CYSTM1: variants seen among roughly 807,000 people sequenced by gnomAD.
CYSTM1 encodes cysteine rich transmembrane module containing 1.
CYSTM1 carries 4 observed loss-of-function variants against 13.1 expected under a neutral mutation model. The observed-to-expected ratio is 0.31, with a 90% CI of 0.15 to 0.70. The LOEUF (loss-of-function observed/expected upper bound fraction) is 0.70, where lower values mean the gene tolerates loss of function less well. Among genes scored for constraint, CYSTM1 ranks in the 30% least tolerant of loss-of-function variants. The pLI is 0.72. For synonymous variants in CYSTM1, 36 were observed against 42.7 expected (o/e 0.84, Z 0.62); for missense variants, 96 against 121.6 (o/e 0.79, Z 0.99).
chr5:140,237,789 C>T (rs757055048), intron 2 of CYSTM1, among the ~76,000 whole-genome samples: 1 of 152,124 alleles, frequency 6.6e-6, no homozygotes, highest in South Asian at 2.1e-4. Context: ...ACTCATTCAC[C>T]TGGGGTTCCC....
intron 2 of CYSTM1, among the ~76,000 whole-genome samples, chr5:140,214,501 T>A (rs1314998541): frequency 6.6e-6 from 1 of 152,222 alleles, no homozygotes. Flanking sequence ...CAGACCTGGC[T>A]GGCCTGGGGA....
Position 140,239,199 on chromosome 5 carries a change from C to G in CYSTM1, c.188-4106C>G, listed in dbSNP as rs750266216. Among the ~76,000 whole-genome samples, 24 of 152,202 alleles carry G rather than the reference C, an allele frequency of 1.6e-4. No homozygotes were observed. Among genetic ancestry groups the G allele is most frequent in the Non-Finnish European group, 2.8e-4 (19 of 68,034 alleles). On this transcript the variant is annotated intron_variant, in intron 2 of 2. Transcript: ENST00000261811. The surrounding 1 kb of genome is among the most constrained non-coding windows in gnomAD (Gnocchi z 5.4). ...CATCATTTACAAAGTCCCAGCCATG[C>G]AGATGAAGGTTTCAGATGCCAGAAT...
chr5:140,240,174 C>A (rs1328641485), intron 2 of CYSTM1, among the ~76,000 whole-genome samples: 1 of 151,946 alleles, frequency 6.6e-6, no homozygotes, highest in South Asian at 2.1e-4. Flanking sequence ...ATCCCAGCAC[C>A]CCCCCACTGC....
At chr5:140,234,525 C>G (rs1024805696) in intron 2 of CYSTM1, among the ~76,000 whole-genome samples, 1 of 152,206 alleles carries the variant, frequency 6.6e-6, no homozygotes, top group Admixed American at 6.5e-5. Context: ...ATTGGTTGCT[C>G]ACCCTTACAT....
In CYSTM1 at chr5:140,185,649, C is replaced by G. The variant is rs140204932; in HGVS notation, c.-20-8797C>G. 3.8e-3 allele frequency among the ~76,000 whole-genome samples: 582 copies of G among 152,338 alleles called. 3 individuals are homozygous for G. Among genetic ancestry groups the G allele is most frequent in the Non-Finnish European group, 7.1e-3 (485 of 68,030 alleles). ...CCACGTTATGCTGACTATCAGAGGTCTCCTGGTGTTGCACTGTTACTGGGA... is the reference window on the plus strand; with the variant it reads ...CCACGTTATGCTGACTATCAGAGGTGTCCTGGTGTTGCACTGTTACTGGGA... On this transcript the variant is annotated intron_variant, in intron 1 of 2. Coordinates refer to ENST00000261811, the MANE Select transcript of CYSTM1 (RefSeq NM_032412.4).
chr5:140,219,973 T>A lies in CYSTM1; in HGVS notation c.188-23332T>A, dbSNP rs1561815244. On this transcript the variant is annotated intron_variant, in intron 2 of 2. Transcript: ENST00000261811. The surrounding 1 kb of genome is among the most constrained non-coding windows in gnomAD (Gnocchi z 4.1). ...ACTCAAAGTAACTTCTCTCTTTTTT[T>A]TTTCTGTAACCCAGTGCCTGAAAAC... 6.6e-6 allele frequency among the ~76,000 whole-genome samples: 1 copy of A among 152,208 alleles called. No individual in the cohort carries two copies. The highest frequency in any genetic ancestry group is 1.5e-5 in the Non-Finnish European group (1 of 68,030).
intron 2 of CYSTM1, among the ~76,000 whole-genome samples, chr5:140,223,327 T>G (rs1200354204): frequency 1.3e-5 from 2 of 151,958 alleles, no homozygotes; most frequent in African/African-American, 4.8e-5. Flanking sequence ...GGGCAGGGAG[T>G]GGGAAGGATC....
At chr5:140,206,607 G>GT (rs5871728) in intron 2 of CYSTM1, among the ~76,000 whole-genome samples, 12 of 149,288 alleles carry the variant, frequency 8.0e-5, no homozygotes, top group East Asian at 2.0e-4. Flanking sequence ...GCTGAGCACT[G>GT]TTGTTTGTTT....
chr5:140,185,821 G>A (rs1303172916), intron 1 of CYSTM1, among the ~76,000 whole-genome samples: 1 of 152,168 alleles, frequency 6.6e-6, no homozygotes, highest in Admixed American at 6.5e-5. Flanking sequence ...TTGGCCTTGG[G>A]TTTAAGATTT....
chr5:140,181,253 G>A (rs1042443241), intron 1 of CYSTM1, among the ~76,000 whole-genome samples: 1 of 152,128 alleles, frequency 6.6e-6, no homozygotes, highest in African/African-American at 2.4e-5. Context: ...TTGTTAAGTC[G>A]AATACTTAGT....
intron 2 of CYSTM1, among the ~76,000 whole-genome samples, chr5:140,235,594 A>G (rs1764672328): frequency 6.6e-6 from 1 of 151,792 alleles, no homozygotes; most frequent in Admixed American, 6.6e-5. Context: ...TTCAGTAGAG[A>G]CGAGGCTTCA....
At chr5:140,242,875 G>C (rs1280043780) in intron 2 of CYSTM1, among the ~76,000 whole-genome samples, 1 of 152,202 alleles carries the variant, frequency 6.6e-6, no homozygotes, top group Non-Finnish European at 1.5e-5. Context: ...TATTCTTTAA[G>C]GGTTTAAAGC....
rs577606703 is a variant in CYSTM1, at chr5:140,232,797, A to G, written c.188-10508A>G. On this transcript the variant is annotated intron_variant, in intron 2 of 2. Coordinates refer to ENST00000261811, the MANE Select transcript of CYSTM1 (RefSeq NM_032412.4). Reference sequence around the variant, plus strand: ...AGGCTAGGAACCTCCACTAAACTGGACAGAAGCATGCTAACAAAACATTGA... The same window carrying G: ...AGGCTAGGAACCTCCACTAAACTGGGCAGAAGCATGCTAACAAAACATTGA... Among the ~76,000 whole-genome samples the G allele has an allele frequency of 1.4e-4, 22 of 152,342 alleles. No homozygotes were observed. In the South Asian group the frequency reaches 4.4e-3, roughly 30 times the overall value.
At chr5:140,176,946 G>C in intron 1 of CYSTM1, among the ~76,000 whole-genome samples, 1 of 151,832 alleles carries the variant, frequency 6.6e-6, no homozygotes, top group East Asian at 1.9e-4. Context: ...GCGGGCGCCT[G>C]TAATCCCAGC....
chr5:140,230,098 C>T lies in CYSTM1; in HGVS notation c.188-13207C>T, dbSNP rs1764602762. On this transcript the variant is annotated intron_variant, in intron 2 of 2. Transcript: ENST00000261811. This position sits in a 1 kb window ranked among gnomAD's most constrained non-coding sequence, Gnocchi z 4.1. Reference sequence around the variant, plus strand: ...TGTTGGTCAGTATGGTCTCGAACTCCTGACCTCAGGTGATCCATCCATCTC... The same window carrying T: ...TGTTGGTCAGTATGGTCTCGAACTCTTGACCTCAGGTGATCCATCCATCTC... 6.6e-6 allele frequency among the ~76,000 whole-genome samples: 1 copy of T among 152,196 alleles called. No individual in the cohort carries two copies. The highest frequency in any genetic ancestry group is 2.4e-5 in the African/African-American group (1 of 41,434).
intron 2 of CYSTM1, among the ~76,000 whole-genome samples, chr5:140,235,639 T>C (rs1440956473): frequency 6.6e-6 from 1 of 151,452 alleles, no homozygotes; most frequent in African/African-American, 2.4e-5. Flanking sequence ...TCTTCTGACC[T>C]CATGATCCGC....
intron 2 of CYSTM1, among the ~76,000 whole-genome samples, chr5:140,213,344 C>T (rs1320400913): frequency 1.3e-5 from 2 of 151,854 alleles, no homozygotes; most frequent in Non-Finnish European, 2.9e-5. Flanking sequence ...TTTTGTTTAG[C>T]TGTATAATAT....
At chr5:140,176,870 C>A (rs1763891921) in intron 1 of CYSTM1, among the ~76,000 whole-genome samples, 1 of 151,972 alleles carries the variant, frequency 6.6e-6, no homozygotes, top group Non-Finnish European at 1.5e-5. Flanking sequence ...GAGATCGAGA[C>A]CATCCTGACT....
intron 2 of CYSTM1, chr5:140,201,906 A>C (rs1764238343): frequency 6.6e-6 from 1 of 150,758 alleles, no homozygotes; most frequent in Non-Finnish European, 1.5e-5. Context: ...CCCTCCTACC[A>C]GAAAGTGGGG....
Sources: allele counts gnomAD v4.1 joint callset (sites outside exome capture counted in the v4.1 genomes callset), GRCh38; gene constraint gnomAD v4.1.1; non-coding constraint Gnocchi (gnomAD v3.1); transcripts MANE v1.5; gene names NCBI Gene and HGNC (gene_info 2026-07-23, HGNC 2026-07-21).